The following CAMTA1 variants were observed in gnomAD, a reference collection of about 807,000 sequenced individuals.
CAMTA1 encodes calmodulin binding transcription activator 1, also known as calmodulin-binding transcription activator 1.
CAMTA1 carries 27 observed loss-of-function variants against 170.9 expected under a neutral mutation model. That is an observed-to-expected ratio of 0.16 (90% confidence interval 0.12 to 0.22). The LOEUF is 0.22. Ranked by LOEUF, CAMTA1 falls within the 10% of genes least tolerant of loss-of-function variation. CAMTA1 has a pLI of 1.00. For synonymous variants in CAMTA1, 833 were observed against 891.5 expected (o/e 0.93, Z 1.17); for missense variants, 1,619 against 2,217.2 (o/e 0.73, Z 5.42).
intron 5 of CAMTA1, among the ~76,000 whole-genome samples, chr1:7,348,220 G>T (rs990757729): frequency 6.6e-6 from 1 of 152,162 alleles, no homozygotes; most frequent in Non-Finnish European, 1.5e-5. Context: ...TGGTTCTCAC[G>T]CCTTGCCTCA....
intron 6 of CAMTA1, among the ~76,000 whole-genome samples, chr1:7,524,299 T>C (rs996446177): frequency 1.3e-5 from 2 of 152,248 alleles, no homozygotes; most frequent in South Asian, 2.1e-4. Flanking sequence ...ATGATGAACA[T>C]ATAGAAATGC....
intron 6 of CAMTA1, among the ~76,000 whole-genome samples, chr1:7,494,881 C>A (rs530404067): frequency 9.8e-5 from 15 of 152,292 alleles, no homozygotes; most frequent in African/African-American, 3.6e-4. Context: ...AGGGAACAGG[C>A]AGCCTTGACC....
intron 11 of CAMTA1, among the ~76,000 whole-genome samples, chr1:7,708,106 G>A (rs2096540828): frequency 6.6e-6 from 1 of 152,158 alleles, no homozygotes; most frequent in African/African-American, 2.4e-5. Context: ...TGAGGCAGGT[G>A]GATTGCTTGA....
rs1558080252 is a variant in CAMTA1, at chr1:7,663,497, A to G, written c.950A>G (p.His317Arg). The change falls in exon 9 of 23, where the codon CAC (histidine) becomes CGC (arginine). Residue 317 changes from histidine (H) to arginine (R), a missense_variant. Physicochemically the swap from His to Arg is conservative, Grantham distance 29 (BLOSUM62 0). This residue lies in a region of CAMTA1 where 731 missense variants were observed against 907.6 expected (regional missense o/e 0.81). Coordinates refer to ENST00000303635, the MANE Select transcript of CAMTA1 (RefSeq NM_015215.4). ...TCGGAGGGCAAGCACGAGCACAGCC[A>G]CAGCAAGGGCTCCAGCCGTGAGAAG... ...DVSEGKHEHSHSKGSSREKRN... is the reference protein window; with the variant it reads ...DVSEGKHEHSRSKGSSREKRN... The G allele has an allele frequency of 6.2e-7, 1 of 1,600,036 alleles. No individual in the cohort carries two copies. The highest frequency in any genetic ancestry group is 8.6e-7 in the Non-Finnish European group (1 of 1,169,390).
chr1:7,344,953 G>A (rs1221131720), intron 5 of CAMTA1, among the ~76,000 whole-genome samples: 9 of 151,924 alleles, frequency 5.9e-5, no homozygotes, highest in South Asian at 4.2e-4. Flanking sequence ...GGGTTTCACC[G>A]TGTTAGCCAG....
rs1018950522 is a variant in CAMTA1 at position 7,561,051 on chromosome 1, G to A, written c.511-79349G>A. ...CTGGCCCTCTGCGCTCAGGCTCAGG[G>A]GGTGACGCTGGGCTGGGCGCTTCCC... is the stretch of plus-strand genomic sequence containing the variant. On this transcript the variant is annotated intron_variant, in intron 6 of 22. Transcript: ENST00000303635. The surrounding 1 kb of genome is among the most constrained non-coding windows in gnomAD (Gnocchi z 5.3). 2.0e-5 allele frequency among the ~76,000 whole-genome samples: 3 copies of A among 152,156 alleles called. No individual in the cohort carries two copies. Among genetic ancestry groups the A allele is most frequent in the African/African-American group, 7.2e-5 (3 of 41,450 alleles).
At chr1:7,022,206 G>T (rs1701449697) in intron 3 of CAMTA1, among the ~76,000 whole-genome samples, 1 of 152,164 alleles carries the variant, frequency 6.6e-6, no homozygotes, top group South Asian at 2.1e-4. Context: ...CTGCTTCTCT[G>T]GCTCACAGGC....
At position 7,565,741 on chromosome 1, in the gene CAMTA1, T is replaced by C. The variant is rs753859290; in HGVS notation, c.511-74659T>C. Reference sequence around the variant, plus strand: ...TGTTGTTTGTTTTGTCCTCGTGTCTTAGTCTACTCAGGCTGCCATGACAAA... The same window carrying C: ...TGTTGTTTGTTTTGTCCTCGTGTCTCAGTCTACTCAGGCTGCCATGACAAA... On this transcript the variant is annotated intron_variant, in intron 6 of 22. Coordinates refer to ENST00000303635, the MANE Select transcript of CAMTA1 (RefSeq NM_015215.4). This position sits in a 1 kb window ranked among gnomAD's most constrained non-coding sequence, Gnocchi z 4.5. 3.5e-4 allele frequency among the ~76,000 whole-genome samples: 53 copies of C among 152,168 alleles called. 1 individual carries two copies. The highest frequency in any genetic ancestry group is 1.2e-4 in the Non-Finnish European group (8 of 68,028).
intron 3 of CAMTA1, among the ~76,000 whole-genome samples, chr1:7,049,713 CTCCCAAAGTGCTGGGA>C (rs1364384555): frequency 4.6e-5 from 7 of 152,166 alleles, no homozygotes; most frequent in Non-Finnish European, 1.0e-4. Flanking sequence ...CCGCCTTGGC[CTCCCAAAGTGCTGGGA>C]TCCCAAAGTG....
At chr1:7,313,455 C>A (rs1677040005) in intron 5 of CAMTA1, among the ~76,000 whole-genome samples, 1 of 152,216 alleles carries the variant, frequency 6.6e-6, no homozygotes, top group African/African-American at 2.4e-5. Flanking sequence ...TGCCTGAGAG[C>A]TGCAGCGGTA....
At chr1:7,533,916 C>CA (rs888703836) in intron 6 of CAMTA1, among the ~76,000 whole-genome samples, 8 of 148,594 alleles carry the variant, frequency 5.4e-5, no homozygotes, top group South Asian at 2.2e-4. Context: ...CTTGTCCCCC[C>CA]AAAAAAAAAT....
intron 11 of CAMTA1, among the ~76,000 whole-genome samples, chr1:7,727,322 C>T (rs142410386): frequency 0.011 from 1,628 of 152,222 alleles, 30 homozygotes; most frequent in African/African-American, 0.037. Flanking sequence ...CGGGGTTTCA[C>T]CGTGTTAGCC....
At chr1:6,802,085 G>A (rs1179596497) in intron 1 of CAMTA1, among the ~76,000 whole-genome samples, 1 of 152,188 alleles carries the variant, frequency 6.6e-6, no homozygotes, top group Non-Finnish European at 1.5e-5. Context: ...AGCAGTTTTA[G>A]TCTAAGAAGA....
chr1:7,260,591 C>T (rs1668023092), intron 5 of CAMTA1, among the ~76,000 whole-genome samples: 1 of 152,200 alleles, frequency 6.6e-6, no homozygotes, highest in Non-Finnish European at 1.5e-5. Context: ...ATGGCTGAGC[C>T]AATGGCATGT....
At chr1:7,649,893 A>G (rs1047120686) in intron 7 of CAMTA1, among the ~76,000 whole-genome samples, 1 of 152,164 alleles carries the variant, frequency 6.6e-6, no homozygotes. Context: ...TGGTTCTGTC[A>G]AAGTTAGAAT....
In CAMTA1 at chr1:7,507,053, A is replaced by T. The variant is rs187497880; in HGVS notation, c.510+39152A>T. Among the ~76,000 whole-genome samples, 198 of 149,796 alleles carry T rather than the reference A, an allele frequency of 1.3e-3. 1 individual carries two copies. Among genetic ancestry groups the T allele is most frequent in the Non-Finnish European group, 4.7e-4 (32 of 67,948 alleles). On this transcript the variant is annotated intron_variant, in intron 6 of 22. Coordinates refer to ENST00000303635, the MANE Select transcript of CAMTA1 (RefSeq NM_015215.4). ...ACTCATGCTCACATTATCACACTCAAAATTCACACTTGCTCTCATATTGAC... is the reference window on the plus strand; with the variant it reads ...ACTCATGCTCACATTATCACACTCATAATTCACACTTGCTCTCATATTGAC...
At chr1:7,166,036 C>G (rs1406215026) in intron 4 of CAMTA1, among the ~76,000 whole-genome samples, 1 of 150,170 alleles carries the variant, frequency 6.7e-6, no homozygotes, top group Non-Finnish European at 1.5e-5. Flanking sequence ...ATGCTAGTGT[C>G]TCTCTAAGCG....
At chr1:7,654,930 A>C (rs2095874153) in intron 7 of CAMTA1, among the ~76,000 whole-genome samples, 1 of 149,200 alleles carries the variant, frequency 6.7e-6, no homozygotes, top group Non-Finnish European at 1.5e-5. Context: ...ATCTATACAC[A>C]CACAAGCACA....
chr1:6,802,898 C>T (rs2148228939), intron 1 of CAMTA1, among the ~76,000 whole-genome samples: 1 of 152,334 alleles, frequency 6.6e-6, no homozygotes, highest in South Asian at 2.1e-4. Context: ...GCATATGCCA[C>T]AACGCCCGGC....
Sources: gnomAD v4.1 joint callset for allele counts (sites outside exome capture counted in the v4.1 genomes callset) on GRCh38, gnomAD v4.1.1 for gene constraint, gnomAD v4.1.1 regional missense constraint, Gnocchi (gnomAD v3.1) non-coding constraint, MANE v1.5 for transcripts, NCBI Gene and HGNC (gene_info 2026-07-23, HGNC 2026-07-21) for gene names.